Variants in RORA observed in about 807,000 individuals in gnomAD.
RORA encodes nuclear receptor ROR-alpha.
In RORA, 7 loss-of-function variants were observed where a neutral mutation model predicts 69.5. That is an observed-to-expected ratio of 0.10 (90% CI 0.06 to 0.19). RORA has a LOEUF of 0.19. RORA is among the 10% of genes least tolerant of loss of function. RORA has a pLI of 1.00. For synonymous variants in RORA, 261 were observed against 240.8 expected (o/e 1.08, Z -0.78); for missense variants, 457 against 663.0 (o/e 0.69, Z 3.41).
chr15:60,573,981 A>C (rs1051974557), intron 2 of RORA, among the ~76,000 whole-genome samples: 1 of 152,062 alleles, frequency 6.6e-6, no homozygotes, highest in Non-Finnish European at 1.5e-5. Context: ...ATCCATTTCT[A>C]TGTGTATTTT....
intron 1 of RORA, among the ~76,000 whole-genome samples, chr15:60,853,362 C>T (rs1056692159): frequency 1.3e-5 from 2 of 152,178 alleles, no homozygotes; most frequent in Non-Finnish European, 2.9e-5. Flanking sequence ...GATAAGCTCT[C>T]AGCAGAAGAC....
intron 1 of RORA, among the ~76,000 whole-genome samples, chr15:61,116,256 G>A (rs542500079): frequency 1.6e-3 from 237 of 152,248 alleles, no homozygotes; most frequent in African/African-American, 5.5e-3. Flanking sequence ...AGTAAATTAG[G>A]CTCAACCAAG....
intron 2 of RORA, chr15:60,627,419 CTT>C (rs775484628): frequency 9.3e-6 from 15 of 1,611,942 alleles, no homozygotes. Context: ...TGGGGCTGTG[CTT>C]TGCCCCAGTG....
At chr15:60,503,442 T>C in intron 7 of RORA, 93 bp downstream of exon 7, 3 of 1,297,786 alleles carry the variant, frequency 2.3e-6, no homozygotes, top group Non-Finnish European at 3.2e-6. Flanking sequence ...GGAGAAAAAC[T>C]GTTCCCGACA....
chr15:60,624,365 G>C (rs995447026), intron 2 of RORA, among the ~76,000 whole-genome samples: 1 of 149,836 alleles, frequency 6.7e-6, no homozygotes, highest in African/African-American at 2.5e-5. Context: ...AGAGTCAAGA[G>C]GCCTAAAGAC....
At chr15:60,961,603 T>C (rs2140343313) in intron 1 of RORA, among the ~76,000 whole-genome samples, 1 of 152,270 alleles carries the variant, frequency 6.6e-6, no homozygotes, top group South Asian at 2.1e-4. Flanking sequence ...GCCTCTTTCC[T>C]TTGAAAGACT....
At chr15:60,611,261 T>C (rs1018166142) in intron 2 of RORA, among the ~76,000 whole-genome samples, 14 of 152,096 alleles carry the variant, frequency 9.2e-5, no homozygotes, top group East Asian at 1.9e-4. Context: ...GGAATCTCCA[T>C]AGCAGGAGTG....
intron 1 of RORA, among the ~76,000 whole-genome samples, chr15:61,172,892 C>T (rs1007835054): frequency 2.0e-5 from 3 of 152,162 alleles, no homozygotes; most frequent in Non-Finnish European, 4.4e-5. Flanking sequence ...TGTGTCCAAG[C>T]AAGTCCTTTG....
At chr15:60,543,093 G>A (rs981601238) in intron 2 of RORA, among the ~76,000 whole-genome samples, 1 of 147,760 alleles carries the variant, frequency 6.8e-6, no homozygotes, top group African/African-American at 2.5e-5. Context: ...ACACGGAAAG[G>A]ATACACAGAA....
At chr15:60,937,694 C>T (rs191885858) in intron 1 of RORA, among the ~76,000 whole-genome samples, 41 of 152,278 alleles carry the variant, frequency 2.7e-4, no homozygotes, top group East Asian at 1.5e-3. Flanking sequence ...TGAACCAGAA[C>T]ACCTGGTTCA....
intron 1 of RORA, among the ~76,000 whole-genome samples, chr15:60,876,921 T>C (rs1290035869): frequency 6.6e-6 from 1 of 152,116 alleles, no homozygotes; most frequent in African/African-American, 2.4e-5. Flanking sequence ...CATGGACACG[T>C]AGACGGGAAC....
intron 1 of RORA, among the ~76,000 whole-genome samples, chr15:61,223,156 C>T (rs965424474): frequency 9.2e-5 from 14 of 151,460 alleles, no homozygotes; most frequent in African/African-American, 3.4e-4. Context: ...TCTACTAAAA[C>T]ACAAAAAATT....
chr15:60,676,556 T>C (rs1264396872), intron 2 of RORA, among the ~76,000 whole-genome samples: 2 of 152,244 alleles, frequency 1.3e-5, no homozygotes, highest in Admixed American at 6.5e-5. Flanking sequence ...TTTAAGTCTT[T>C]CTACATTGAC....
chr15:61,155,762 C>T lies in RORA; in HGVS notation c.166+73291G>A, dbSNP rs1197658386. On this transcript the variant is annotated intron_variant, in intron 1 of 10. Coordinates refer to ENST00000335670, the MANE Select transcript of RORA (RefSeq NM_134261.3). ...TTACCCAACCACAGAAGAAACTTGA[C>T]AAAGGCTGATGATGTGTTTACAAAC... is the stretch of plus-strand genomic sequence containing the variant. 2.0e-5 allele frequency among the ~76,000 whole-genome samples: 3 copies of T among 152,174 alleles called. No homozygotes were observed. The East Asian group carries it at 5.8e-4, about 29-fold the overall frequency.
In RORA at chr15:60,531,058, TTGCCCCATGACCAAG is replaced by T. The variant is rs1567064654; in HGVS notation, c.282+693_282+707del. The T allele has an allele frequency of 6.6e-6, 1 of 152,266 alleles. No individual in the cohort carries two copies. Among genetic ancestry groups the T allele is most frequent in the Non-Finnish European group, 1.5e-5 (1 of 68,084 alleles). The allele number at this position is 152,266 out of a possible 1,614,324, so 9.4% of individuals were successfully genotyped here. ...GCACATTATGCATGTGCTGTACACA[TTGCCCCATGACCAAG>T]GTCAGAAATAATAAAATAGTCATAG... On this transcript the variant is annotated intron_variant, in intron 3 of 10. Coordinates refer to ENST00000335670, the MANE Select transcript of RORA (RefSeq NM_134261.3). The surrounding 1 kb of genome is among the most constrained non-coding windows in gnomAD (Gnocchi z 4.8).
intron 1 of RORA, among the ~76,000 whole-genome samples, chr15:60,769,510 T>G (rs1295469338): frequency 6.6e-6 from 1 of 152,160 alleles, no homozygotes; most frequent in Non-Finnish European, 1.5e-5. Flanking sequence ...TGGTTAGGGT[T>G]TAGGGGATAA....
intron 1 of RORA, among the ~76,000 whole-genome samples, chr15:60,855,990 T>A (rs2073375906): frequency 6.6e-6 from 1 of 152,088 alleles, no homozygotes; most frequent in South Asian, 2.1e-4. Context: ...ATTTCTGGGC[T>A]AACCTCATAT....
At chr15:60,732,704 C>T (rs188480660) in intron 1 of RORA, among the ~76,000 whole-genome samples, 1 of 152,062 alleles carries the variant, frequency 6.6e-6, no homozygotes, top group East Asian at 1.9e-4. Flanking sequence ...GTACACACAC[C>T]CCCCTTTACA....
chr15:60,945,024 C>T (rs1189424467), intron 1 of RORA, among the ~76,000 whole-genome samples: 1 of 152,164 alleles, frequency 6.6e-6, no homozygotes, highest in East Asian at 1.9e-4. Flanking sequence ...ACAAACAGCC[C>T]ACTTTGGTTT....
Sources: gnomAD v4.1 joint callset for allele counts (sites outside exome capture counted in the v4.1 genomes callset) on GRCh38, gnomAD v4.1.1 for gene constraint, Gnocchi (gnomAD v3.1) non-coding constraint, MANE v1.5 for transcripts, NCBI Gene and HGNC (gene_info 2026-07-23, HGNC 2026-07-21) for gene names.